The following COMMD10 variants were observed in gnomAD, a reference collection of about 807,000 sequenced individuals.
COMMD10 encodes COMM domain-containing protein 10.
In COMMD10, 33 loss-of-function variants were observed where a neutral mutation model predicts 28.9. That is an observed-to-expected ratio of 1.14 (90% CI 0.87 to 1.53). The LOEUF (loss-of-function observed/expected upper bound fraction) is 1.53, where lower values mean the gene tolerates loss of function less well. Ranked by LOEUF, COMMD10 falls within the 40% of genes most tolerant of loss-of-function variation. The pLI, the probability that COMMD10 is intolerant of heterozygous loss-of-function variation, is 0.00. For synonymous variants in COMMD10, 110 were observed against 81.7 expected, an observed-to-expected ratio of 1.35 and a Z score of -1.87; for missense variants, 310 against 233.4, an observed-to-expected ratio of 1.33 and a Z score of -2.14.
At chr5:116,268,325 A>G (rs1454558114) in intron 5 of COMMD10, among the ~76,000 whole-genome samples, 2 of 151,900 alleles carry the variant, frequency 1.3e-5, no homozygotes, top group Non-Finnish European at 2.9e-5. Flanking sequence ...GAAGACATTT[A>G]TGCAGCCAAA....
At chr5:116,173,852 T>TTG (rs1753417705) in intron 5 of COMMD10, among the ~76,000 whole-genome samples, 2 of 150,996 alleles carry the variant, frequency 1.3e-5, no homozygotes, top group African/African-American at 2.5e-5. Context: ...TGTTTTTGTT[T>TTG]TTTTTTTTTT....
intron 4 of COMMD10, among the ~76,000 whole-genome samples, chr5:116,122,710 T>C (rs1338677614): frequency 6.6e-6 from 1 of 152,216 alleles, no homozygotes; most frequent in African/African-American, 2.4e-5. Flanking sequence ...CCTTGTAAGC[T>C]GGATTCCTAG....
intron 5 of COMMD10, among the ~76,000 whole-genome samples, chr5:116,235,452 T>TTCC (rs1749635409): frequency 1.3e-5 from 2 of 152,158 alleles, no homozygotes; most frequent in Non-Finnish European, 2.9e-5. Flanking sequence ...TGGGTTAGAT[T>TTCC]TGCTGTTACT....
At chr5:116,209,761 A>T (rs1386714476) in intron 5 of COMMD10, among the ~76,000 whole-genome samples, 1 of 152,120 alleles carries the variant, frequency 6.6e-6, no homozygotes, top group Non-Finnish European at 1.5e-5. Flanking sequence ...ATGTTTTTGT[A>T]TATATTTACA....
At chr5:116,149,361 G>A (rs1315028029) in intron 5 of COMMD10, among the ~76,000 whole-genome samples, 2 of 141,930 alleles carry the variant, frequency 1.4e-5, no homozygotes, top group African/African-American at 2.8e-5. Context: ...AGTCCTTTGG[G>A]TATATACCGA....
chr5:116,162,748 G>T (rs1287398878), intron 5 of COMMD10, among the ~76,000 whole-genome samples: 1 of 152,210 alleles, frequency 6.6e-6, no homozygotes, highest in Non-Finnish European at 1.5e-5. Context: ...AGATTAAGTT[G>T]AGAAACCTAA....
intron 5 of COMMD10, among the ~76,000 whole-genome samples, chr5:116,156,101 T>G (rs1489720544): frequency 6.6e-6 from 1 of 152,084 alleles, no homozygotes. Flanking sequence ...ACATTTCACC[T>G]CCCTGGCCTT....
At chr5:116,268,610 C>T (rs553643095) in intron 5 of COMMD10, among the ~76,000 whole-genome samples, 1 of 151,904 alleles carries the variant, frequency 6.6e-6, no homozygotes, top group South Asian at 2.1e-4. Context: ...GGTATATACC[C>T]AAAGGAATAT....
chr5:116,194,363 G>A (rs938753785), intron 5 of COMMD10, among the ~76,000 whole-genome samples: 5 of 151,930 alleles, frequency 3.3e-5, no homozygotes, highest in African/African-American at 1.2e-4. Flanking sequence ...CAATGAAAAA[G>A]ATAAATGAAA....
At chr5:116,163,621 A>G (rs1177361754) in intron 5 of COMMD10, among the ~76,000 whole-genome samples, 3 of 151,996 alleles carry the variant, frequency 2.0e-5, no homozygotes, top group Non-Finnish European at 4.4e-5. Flanking sequence ...AAATAAACCA[A>G]AAACTCAACA....
At chr5:116,222,251 T>C (rs996501195) in intron 5 of COMMD10, among the ~76,000 whole-genome samples, 1 of 152,182 alleles carries the variant, frequency 6.6e-6, no homozygotes, top group Non-Finnish European at 1.5e-5. Context: ...AGAAAATAAA[T>C]AGTAAGGCAG....
intron 5 of COMMD10, among the ~76,000 whole-genome samples, chr5:116,208,131 TTAAA>T (rs1408589439): frequency 8.5e-5 from 13 of 152,180 alleles, no homozygotes; most frequent in African/African-American, 2.7e-4. Flanking sequence ...TAACTCTATC[TTAAA>T]TAAGATAATG....
At chr5:116,273,971 G>C (rs1248709746) in intron 5 of COMMD10, among the ~76,000 whole-genome samples, 1 of 151,602 alleles carries the variant, frequency 6.6e-6, no homozygotes, top group Non-Finnish European at 1.5e-5. Context: ...GATGATATCA[G>C]TCATTACTAA....
At chr5:116,176,208 TTCAAGCAATTC>T (rs1341984549) in intron 5 of COMMD10, among the ~76,000 whole-genome samples, 1 of 152,162 alleles carries the variant, frequency 6.6e-6, no homozygotes, top group African/African-American at 2.4e-5. Flanking sequence ...ACCTACAAGA[TTCAAGCAATTC>T]TCATGCCTCA....
chr5:116,216,231 A>G (rs1490579121), intron 5 of COMMD10, among the ~76,000 whole-genome samples: 1 of 152,216 alleles, frequency 6.6e-6, no homozygotes, highest in Admixed American at 6.5e-5. Context: ...TATTATTGGA[A>G]AAAGGACAGA....
At chr5:116,131,970 C>A (rs10042163) in intron 4 of COMMD10, among the ~76,000 whole-genome samples, 136,367 of 151,966 alleles carry the variant, frequency 0.9, 61,330 homozygotes, top group African/African-American at 0.94. Flanking sequence ...GGTTGTTATC[C>A]CATCCTGAGG....
rs569043628 is a variant in COMMD10, at chr5:116,258,692, T to C, written c.511-32825T>C. Among the ~76,000 whole-genome samples, 53 of 151,908 alleles carry C rather than the reference T, an allele frequency of 3.5e-4. 1 individual carries two copies. Among genetic ancestry groups the C allele is most frequent in the African/African-American group, 1.3e-3 (53 of 41,286 alleles). ...TATCAATATAATTTTTGTACCACTG[T>C]AGATGACCCTTTTTCATCCCTTCGT... On this transcript the variant is annotated intron_variant, in intron 5 of 6. Coordinates refer to ENST00000274458, the MANE Select transcript of COMMD10 (RefSeq NM_016144.4).
intron 5 of COMMD10, among the ~76,000 whole-genome samples, chr5:116,259,791 T>G (rs2112684450): frequency 6.6e-6 from 1 of 151,898 alleles, no homozygotes; most frequent in South Asian, 2.1e-4. Flanking sequence ...TGCTACCTTG[T>G]TCTGTTTCTC....
intron 5 of COMMD10, among the ~76,000 whole-genome samples, chr5:116,280,631 G>T (rs776587277): frequency 6.6e-6 from 1 of 151,782 alleles, no homozygotes; most frequent in Non-Finnish European, 1.5e-5. Context: ...CTGAATGACT[G>T]AATATAGTGG....
Sources: allele counts gnomAD v4.1 joint callset (sites outside exome capture counted in the v4.1 genomes callset), GRCh38; gene constraint gnomAD v4.1.1; transcripts MANE v1.5; gene names NCBI Gene and HGNC (gene_info 2026-07-23, HGNC 2026-07-21).